Variants in OTUB1 observed in about 807,000 individuals in gnomAD.
OTUB1 encodes the protein OTU deubiquitinase, ubiquitin aldehyde binding 1.
In OTUB1, 10 loss-of-function variants were observed where a neutral mutation model predicts 35.8. The ratio of observed to expected loss-of-function variants is 0.28; its 90% confidence interval spans 0.17 to 0.47. OTUB1 has a LOEUF of 0.47. Ranked by LOEUF, OTUB1 falls within the 20% of genes least tolerant of loss-of-function variation. The pLI, the probability that OTUB1 is intolerant of heterozygous loss-of-function variation, is 0.99. For synonymous variants in OTUB1, 158 were observed against 143.8 expected, an observed-to-expected ratio of 1.10 and a Z score of -0.71; for missense variants, 264 against 351.6, an observed-to-expected ratio of 0.75 and a Z score of 1.99.
intron 1 of OTUB1, among the ~76,000 whole-genome samples, 189 bp from the exon 2 acceptor site, chr11:63,988,148 G>A (rs1302755840): frequency 3.3e-5 from 5 of 152,164 alleles, no homozygotes; most frequent in Admixed American, 3.3e-4. Flanking sequence ...GGTGGTGCAC[G>A]CATGTAGTTC....
chr11:63,988,029 C>CT (rs1272100413), intron 1 of OTUB1, among the ~76,000 whole-genome samples: 3 of 152,164 alleles, frequency 2.0e-5, no homozygotes, highest in Admixed American at 2.0e-4. Flanking sequence ...AATCCCAGCA[C>CT]TTTGGGAGGT....
chr11:63,988,352 C>G lies in OTUB1; in HGVS notation c.74C>G (p.Ala25Gly). 6.4e-7 allele frequency: 1 copy of G among 1,553,830 alleles called. No individual in the cohort carries two copies. Among genetic ancestry groups the G allele is most frequent in the Non-Finnish European group, 8.7e-7 (1 of 1,147,858 alleles). ...GSDSEGVNCLAYDEAIMAQQD... is the reference protein window; with the variant it reads ...GSDSEGVNCLGYDEAIMAQQD... The stretch of plus-strand genomic sequence containing the variant: ...CTTTTCCCAGGTGTTAACTGTCTGG[C>G]CTATGATGAAGCCATCATGGCTCAG... Residue 25 changes from alanine (A) to glycine (G), a missense_variant, in exon 2 of 7, where the codon GCC becomes GGC. Physicochemically the swap from Ala to Gly is moderately conservative, Grantham distance 60. Coordinates refer to ENST00000538426, the MANE Select transcript of OTUB1 (RefSeq NM_017670.3).
chr11:63,995,733 C>T (rs1433337176), intron 3 of OTUB1, among the ~76,000 whole-genome samples: 2 of 151,436 alleles, frequency 1.3e-5, no homozygotes, highest in Non-Finnish European at 2.9e-5. Context: ...GGGAGGAGGC[C>T]AAAGGCAGAT....
chr11:63,997,634 C>CTAT lies in OTUB1; in HGVS notation c.*90_*92dup. On this transcript the variant is annotated 3_prime_UTR_variant, in exon 7 of 7. Coordinates refer to ENST00000538426, the MANE Select transcript of OTUB1 (RefSeq NM_017670.3). ...GGTTTTTCTGTGGTTGTAAATGGTC[C>CTAT]TATTTCACCCCCTTCTTCCTGTCAC... 9.1e-7 allele frequency: 1 copy of CTAT among 1,104,508 alleles called. No individual in the cohort carries two copies. Among genetic ancestry groups the CTAT allele is most frequent in the Non-Finnish European group, 1.4e-6 (1 of 728,752 alleles). The allele number at this position is 1,104,508 out of a possible 1,614,324, so 68.4% of individuals were successfully genotyped here.
In OTUB1 at chr11:63,986,473, C is replaced by T. The variant is rs1393822030; in HGVS notation, c.17C>T (p.Pro6Leu). 8.4e-6 allele frequency: 13 copies of T among 1,555,308 alleles called. No individual in the cohort carries two copies. The highest frequency in any genetic ancestry group is 4.1e-5 in the African/African-American group (3 of 73,174). Residue 6 changes from proline (P) to leucine (L), a missense_variant, in exon 1 of 7, where the codon CCT becomes CTT. Around this residue, in one of 2 missense-constraint regions of OTUB1, gnomAD observed 50 missense variants for 34.5 expected, o/e 1.45. Transcript: ENST00000538426. MAAEEPQQQKQEPLGS... is the reference protein window; with the variant it reads MAAEELQQQKQEPLGS... ...TGTTTAAAGATGGCGGCGGAGGAAC[C>T]TCAGCAGCAGAAGCAGGAGCCGCTG...
At chr11:63,990,601 T>TAAAAAAAAA (rs1213908511) in intron 3 of OTUB1, 3 of 132,662 alleles carry the variant, frequency 2.3e-5, no homozygotes, top group African/African-American at 8.9e-5. Context: ...AATAAAAAAA[T>TAAAAAAAAA]AAATAAATAA....
At chr11:63,996,434 C>A in intron 3 of OTUB1, 96 bp from the exon 4 acceptor site, 1 of 1,379,774 alleles carries the variant, frequency 7.2e-7, no homozygotes, top group Non-Finnish European at 1.0e-6. Flanking sequence ...AGCTCAGTTG[C>A]CACCTTTGGA....
chr11:63,996,268 G>T (rs1309084616), intron 3 of OTUB1, among the ~76,000 whole-genome samples: 1 of 152,202 alleles, frequency 6.6e-6, no homozygotes, highest in African/African-American at 2.4e-5. Flanking sequence ...GTACAGTCCT[G>T]TAGGCCCCGC....
intron 3 of OTUB1, among the ~76,000 whole-genome samples, chr11:63,993,595 C>T (rs1433552766): frequency 4.0e-5 from 6 of 148,882 alleles, no homozygotes; most frequent in East Asian, 2.0e-4. Context: ...ACCCGGAAGG[C>T]GGAGGTTGCA....
intron 3 of OTUB1, among the ~76,000 whole-genome samples, chr11:63,995,258 G>A (rs550263217): frequency 2.6e-5 from 4 of 151,870 alleles, no homozygotes; most frequent in East Asian, 1.9e-4. Flanking sequence ...GTGCGATGGC[G>A]CAATCTCGGC....
intron 3 of OTUB1, 60 bp from the exon 4 acceptor site, chr11:63,996,470 C>T (rs1590782142): frequency 6.4e-7 from 1 of 1,573,224 alleles, no homozygotes; most frequent in East Asian, 2.2e-5. Context: ...GGGGACATTT[C>T]CTTGGCCAGC....
At chr11:63,988,453 T>C in intron 2 of OTUB1, 55 bp downstream of exon 2, 1 of 1,499,784 alleles carries the variant, frequency 6.7e-7, no homozygotes, top group East Asian at 2.4e-5. Flanking sequence ...ATTGTGGAAA[T>C]GCATAGGCTG....
intron 3 of OTUB1, among the ~76,000 whole-genome samples, chr11:63,996,096 C>T (rs1329648526): frequency 2.6e-5 from 4 of 152,102 alleles, no homozygotes; most frequent in East Asian, 1.9e-4. Context: ...CTCAGTGTGG[C>T]GGGAGCGGGG....
At position 63,997,085 on chromosome 11, in the gene OTUB1, C is replaced by G. The variant is rs763912029; in HGVS notation, c.459C>G (p.Thr153=). The change falls in exon 6 of 7, where the codon ACC becomes ACG. Residue 153 remains threonine, a synonymous_variant. Transcript: ENST00000538426. ...MDLIEQVEKQ[T]SVADLLASFN... is the part of the protein sequence containing the mutation. ...TGATTGAGCAGGTGGAGAAGCAGACCTCTGTCGCCGACCTGCTGGCCTCCT... is the reference window on the plus strand; with the variant it reads ...TGATTGAGCAGGTGGAGAAGCAGACGTCTGTCGCCGACCTGCTGGCCTCCT... 1 of 1,614,208 alleles carries G rather than the reference C, an allele frequency of 6.2e-7. No individual in the cohort carries two copies. The highest frequency in any genetic ancestry group is 1.7e-5 in the Admixed American group (1 of 60,026).
intron 1 of OTUB1, among the ~76,000 whole-genome samples, chr11:63,987,834 C>T (rs970044162): frequency 6.6e-6 from 1 of 152,150 alleles, no homozygotes; most frequent in Non-Finnish European, 1.5e-5. Flanking sequence ...ACGCCTGGCC[C>T]CAGAACATTC....
intron 2 of OTUB1, 113 bp from the exon 3 acceptor site, chr11:63,988,539 TGG>T (rs1590777848): frequency 4.8e-6 from 6 of 1,249,852 alleles, no homozygotes; most frequent in Non-Finnish European, 7.0e-6. Context: ...GGTGCTTTTC[TGG>T]GGGTCGCTGT....
intron 1 of OTUB1, among the ~76,000 whole-genome samples, chr11:63,988,006 G>C (rs774443758): frequency 3.3e-5 from 5 of 152,190 alleles, no homozygotes; most frequent in Non-Finnish European, 5.9e-5. Flanking sequence ...CACTTGAGGT[G>C]GAGCACTCCT....
At chr11:63,991,143 G>A (rs1418163053) in intron 3 of OTUB1, among the ~76,000 whole-genome samples, 3 of 152,108 alleles carry the variant, frequency 2.0e-5, no homozygotes, top group African/African-American at 7.2e-5. Context: ...TCACCACTTT[G>A]AGCTGTGTGA....
At chr11:63,994,042 G>T (rs1185966858) in intron 3 of OTUB1, among the ~76,000 whole-genome samples, 2 of 152,030 alleles carry the variant, frequency 1.3e-5, no homozygotes, top group African/African-American at 4.8e-5. Flanking sequence ...TGGGAGAATT[G>T]CTTGAGCCTG....
Sources: gnomAD v4.1 joint callset for allele counts (sites outside exome capture counted in the v4.1 genomes callset) on GRCh38, gnomAD v4.1.1 for gene constraint, gnomAD v4.1.1 regional missense constraint, MANE v1.5 for transcripts, NCBI Gene and HGNC (gene_info 2026-07-23, HGNC 2026-07-21) for gene names.